The following TSPAN9 variants were observed in gnomAD, a reference collection of about 807,000 sequenced individuals.
TSPAN9 encodes the protein tetraspanin 9.
In TSPAN9, 16 loss-of-function variants were observed where a neutral mutation model predicts 31.0. That is an observed-to-expected ratio of 0.52 (90% confidence interval 0.35 to 0.78). TSPAN9 has a LOEUF of 0.78. TSPAN9 is among the 30% of genes least tolerant of loss of function. TSPAN9 has a pLI of 0.01. For missense variants in TSPAN9, 272 were observed against 312.5 expected, an observed-to-expected ratio of 0.87 and a Z score of 0.98; for synonymous variants, 145 against 121.6, an observed-to-expected ratio of 1.19 and a Z score of -1.27.
intron 2 of TSPAN9, among the ~76,000 whole-genome samples, chr12:3,113,772 G>A (rs1296216099): frequency 6.6e-6 from 1 of 152,144 alleles, no homozygotes; most frequent in African/African-American, 2.4e-5. Context: ...CAGCCTCAGT[G>A]TCCTTTTACT....
intron 2 of TSPAN9, among the ~76,000 whole-genome samples, chr12:3,160,765 T>C (rs1320452535): frequency 2.0e-5 from 3 of 152,338 alleles, no homozygotes; most frequent in African/African-American, 7.2e-5. Flanking sequence ...TCATATACTT[T>C]GTTTATTTTA....
intron 3 of TSPAN9, among the ~76,000 whole-genome samples, chr12:3,235,294 G>A (rs1279241536): frequency 1.7e-5 from 2 of 120,610 alleles, no homozygotes; most frequent in Non-Finnish European, 3.3e-5. Flanking sequence ...AGGAATGAGT[G>A]GAGTGAAGCG....
At chr12:3,146,842 G>A (rs1052801955) in intron 2 of TSPAN9, among the ~76,000 whole-genome samples, 4 of 152,058 alleles carry the variant, frequency 2.6e-5, no homozygotes, top group South Asian at 2.1e-4. Context: ...GGTGGATCCC[G>A]TGGCCTCCTG....
At chr12:3,081,844 G>GTGTGTGTGTATATATATATATA (rs57812985) in intron 1 of TSPAN9, among the ~76,000 whole-genome samples, 43 of 116,748 alleles carry the variant, frequency 3.7e-4, no homozygotes, top group African/African-American at 7.3e-4. Context: ...GTCTGTGTGT[G>GTGTGTGTGTATATATATATATA]TATATATATG....
At chr12:3,248,443 T>A (rs1862181327) in intron 3 of TSPAN9, among the ~76,000 whole-genome samples, 1 of 152,138 alleles carries the variant, frequency 6.6e-6, no homozygotes, top group Non-Finnish European at 1.5e-5. Context: ...GACTTAATGT[T>A]CCTGAACATT....
In TSPAN9 at chr12:3,116,894, T is replaced by C. The variant is rs183638676; in HGVS notation, c.-18+33175T>C. On this transcript the variant is annotated intron_variant, in intron 2 of 8. Coordinates refer to ENST00000011898, the MANE Select transcript of TSPAN9 (RefSeq NM_006675.5). Reference sequence around the variant, plus strand: ...ACCTCTGTGGCCGCCCTTGGACGCATTCTGGCTTGGTGGTTGTTTGTTGTT... The same window carrying C: ...ACCTCTGTGGCCGCCCTTGGACGCACTCTGGCTTGGTGGTTGTTTGTTGTT... 1.9e-3 allele frequency among the ~76,000 whole-genome samples: 282 copies of C among 152,292 alleles called. 2 individuals carry two copies. The highest frequency in any genetic ancestry group is 6.4e-3 in the African/African-American group (266 of 41,570).
rs186982510 is a variant in TSPAN9 at position 3,233,927 on chromosome 12, C to T, written c.63+32671C>T. On this transcript the variant is annotated intron_variant, in intron 3 of 8. Coordinates refer to ENST00000011898, the MANE Select transcript of TSPAN9 (RefSeq NM_006675.5). ...GTCTCTGCAGGGAATATTTCCCAAGCTGAGTAGCAAGAGCCAGGTTCCTTC... is the reference window on the plus strand; with the variant it reads ...GTCTCTGCAGGGAATATTTCCCAAGTTGAGTAGCAAGAGCCAGGTTCCTTC... Among the ~76,000 whole-genome samples the T allele has an allele frequency of 1.3e-3, 193 of 152,316 alleles. 1 individual carries two copies. Among genetic ancestry groups the T allele is most frequent in the African/African-American group, 4.4e-3 (183 of 41,562 alleles).
chr12:3,283,298 G>A lies in TSPAN9; in HGVS notation c.*182G>A, dbSNP rs2153981251. ...CAGTGGGTGGAGTGCCAGGGAGGAG[G>A]AGGCACACGGAGACCTGGGGCTCGG... On this transcript the variant is annotated 3_prime_UTR_variant, in exon 9 of 9. Coordinates refer to ENST00000011898, the MANE Select transcript of TSPAN9 (RefSeq NM_006675.5). 1.7e-6 allele frequency: 1 copy of A among 605,186 alleles called. No individual in the cohort carries two copies. Among genetic ancestry groups the A allele is most frequent in the Non-Finnish European group, 2.8e-6 (1 of 362,730 alleles). The allele number at this position is 605,186 out of a possible 1,614,324, so 37.5% of individuals were successfully genotyped here. A position where few individuals can be genotyped will look rare whatever the true frequency, so the allele number is the denominator to read the frequency against.
intron 3 of TSPAN9, among the ~76,000 whole-genome samples, chr12:3,271,434 C>G (rs1177446717): frequency 1.3e-5 from 2 of 151,874 alleles, no homozygotes; most frequent in African/African-American, 4.8e-5. Context: ...GCCTGTTTTA[C>G]TTGTTCTTAG....
intron 2 of TSPAN9, among the ~76,000 whole-genome samples, chr12:3,125,620 T>G (rs1296569223): frequency 6.6e-6 from 1 of 152,160 alleles, no homozygotes; most frequent in Non-Finnish European, 1.5e-5. Flanking sequence ...CTCATGGAAT[T>G]TAATTGATTT....
chr12:3,138,767 G>GCA (rs982228456), intron 2 of TSPAN9, among the ~76,000 whole-genome samples: 4 of 151,978 alleles, frequency 2.6e-5, no homozygotes, highest in African/African-American at 9.7e-5. Flanking sequence ...GTGAGCCATC[G>GCA]CATCCGGGCT....
In TSPAN9 at chr12:3,118,255, C is replaced by CGTTTTTTTTTTTTTTTTTTTT. The variant is rs2098323366; in HGVS notation, c.-18+34537_-18+34557dup. Reference sequence around the variant, plus strand: ...GATTCCGCACCGCCCCTGCACCCGCCGTTTTTTTTTTTTTTTTTTTTTTTT... The same window carrying CGTTTTTTTTTTTTTTTTTTTT: ...GATTCCGCACCGCCCCTGCACCCGCCGTTTTTTTTTTTTTTTTTTTTGTTTTTTTTTTTTTTTTTTTTTTTT... On this transcript the variant is annotated intron_variant, in intron 2 of 8. Transcript: ENST00000011898. Among the ~76,000 whole-genome samples, 2 of 20,116 alleles carry CGTTTTTTTTTTTTTTTTTTTT rather than the reference C, an allele frequency of 9.9e-5. 1 individual carries two copies. Among genetic ancestry groups the CGTTTTTTTTTTTTTTTTTTTT allele is most frequent in the African/African-American group, 1.9e-4 (2 of 10,258 alleles). 13.2% of individuals were successfully genotyped at this position (20,116 alleles called of 152,430 possible).
chr12:3,280,460 G>T lies in TSPAN9; in HGVS notation c.409G>T (p.Ala137Ser), dbSNP rs1369651666. 6.2e-7 allele frequency: 1 copy of T among 1,612,786 alleles called. No homozygotes were observed. Among genetic ancestry groups the T allele is most frequent in the Non-Finnish European group, 8.5e-7 (1 of 1,179,962 alleles). ...CGAGAACAACGTGGGGCTGAAGAACGCCTGGAACATCATCCAGGCTGAGGT... is the reference window on the plus strand; with the variant it reads ...CGAGAACAACGTGGGGCTGAAGAACTCCTGGAACATCATCCAGGCTGAGGT... The part of the protein sequence containing the change: ...HTENNVGLKN[A>S]WNIIQAEMRC... Residue 137 changes from alanine to serine, a missense_variant, in exon 6 of 9, where the codon GCC (alanine) becomes TCC (serine). By Grantham distance (99) the Ala-to-Ser change is moderately conservative (BLOSUM62 1). Coordinates refer to ENST00000011898, the MANE Select transcript of TSPAN9 (RefSeq NM_006675.5). This position sits in a 1 kb window ranked among gnomAD's most constrained non-coding sequence, Gnocchi z 4.5.
Position 3,187,109 on chromosome 12 carries a change from C to T in TSPAN9, c.-17-14068C>T, listed in dbSNP as rs1286649800. 6.6e-6 allele frequency among the ~76,000 whole-genome samples: 1 copy of T among 152,162 alleles called. No individual in the cohort carries two copies. Among genetic ancestry groups the T allele is most frequent in the Non-Finnish European group, 1.5e-5 (1 of 68,030 alleles). On this transcript the variant is annotated intron_variant, in intron 2 of 8. Coordinates refer to ENST00000011898, the MANE Select transcript of TSPAN9 (RefSeq NM_006675.5). This position sits in a 1 kb window ranked among gnomAD's most constrained non-coding sequence, Gnocchi z 5.2. Reference sequence around the variant, plus strand: ...CCAGCCCACCACTGGATTGTTACCTCTACTCTACCTGTGCTGTGCTTTCAG... The same window carrying T: ...CCAGCCCACCACTGGATTGTTACCTTTACTCTACCTGTGCTGTGCTTTCAG...
chr12:3,221,293 G>A (rs2098384377), intron 3 of TSPAN9, among the ~76,000 whole-genome samples: 1 of 151,232 alleles, frequency 6.6e-6, no homozygotes, highest in Non-Finnish European at 1.5e-5. Context: ...TGGCTAGACT[G>A]TGCAACATAT....
In TSPAN9 at chr12:3,121,200, C is replaced by T. The variant is rs149361268; in HGVS notation, c.-18+37481C>T. ...CTAATCCCATCTCATTCTCCCAGAG[C>T]GAGGCTCTTTTATTTGCCCTCATTT... On this transcript the variant is annotated intron_variant, in intron 2 of 8. Transcript: ENST00000011898. Among the ~76,000 whole-genome samples the T allele has an allele frequency of 9.6e-3, 1,456 of 152,256 alleles. 25 individuals are homozygous for T. The highest frequency in any genetic ancestry group is 0.033 in the African/African-American group (1,378 of 41,554).
In TSPAN9 at chr12:3,219,026, T is replaced by C. The variant is rs7301784; in HGVS notation, c.63+17770T>C. Among the ~76,000 whole-genome samples the C allele has an allele frequency of 3.0e-3, 454 of 152,158 alleles. 5 individuals are homozygous for C. In the Middle Eastern group the frequency reaches 0.031, roughly 10 times the overall value. On this transcript the variant is annotated intron_variant, in intron 3 of 8. Coordinates refer to ENST00000011898, the MANE Select transcript of TSPAN9 (RefSeq NM_006675.5). ...ATGTCTGTTTTCTGTTGTGTCTGAG[T>C]TGTTGTGAAGTGAAGGCCCCAAATA...
chr12:3,268,885 C>A (rs1862606226), intron 3 of TSPAN9, among the ~76,000 whole-genome samples: 1 of 122,314 alleles, frequency 8.2e-6, no homozygotes, highest in African/African-American at 3.3e-5. Flanking sequence ...TGCGTTCCTG[C>A]AGCCTGCCCT....
intron 3 of TSPAN9, among the ~76,000 whole-genome samples, chr12:3,242,994 T>C (rs1002029521): frequency 1.1e-4 from 16 of 152,142 alleles, no homozygotes; most frequent in African/African-American, 3.9e-4. Context: ...GAGAACTGGG[T>C]CTCCAGGTCT....
Sources: allele counts gnomAD v4.1 joint callset (sites outside exome capture counted in the v4.1 genomes callset), GRCh38; gene constraint gnomAD v4.1.1; non-coding constraint Gnocchi (gnomAD v3.1); transcripts MANE v1.5; gene names NCBI Gene and HGNC (gene_info 2026-07-23, HGNC 2026-07-21).